ZBED4: variants seen among roughly 807,000 people sequenced by gnomAD.
ZBED4 encodes the protein zinc finger BED domain-containing protein 4.
Under a neutral mutation model 15.5 loss-of-function variants are expected in ZBED4, and 4 were observed. The observed-to-expected ratio is 0.26, with a 90% CI of 0.13 to 0.59. The LOEUF (loss-of-function observed/expected upper bound fraction) is 0.59, where lower values mean the gene tolerates loss of function less well. Ranked by LOEUF, ZBED4 falls within the 20% of genes least tolerant of loss-of-function variation. The probability of loss-of-function intolerance (pLI) is 0.90; values close to 1 mark genes in which losing one functional copy is unlikely to be tolerated. For synonymous variants in ZBED4, 692 were observed against 608.5 expected (o/e 1.14, Z -2.02); for missense variants, 1,323 against 1,461.8 (o/e 0.91, Z 1.55).
In ZBED4 at chr22:49,887,348, C is replaced by G. The variant is rs1236627624; in HGVS notation, c.*170C>G. 5.0e-6 allele frequency: 3 copies of G among 595,102 alleles called. No individual in the cohort carries two copies. Among genetic ancestry groups the G allele is most frequent in the East Asian group, 2.9e-5 (1 of 34,918 alleles). The allele number at this position is 595,102 out of a possible 1,614,324, so 36.9% of individuals were successfully genotyped here. On this transcript the variant is annotated 3_prime_UTR_variant, in exon 2 of 2. Transcript: ENST00000216268. ...TCCACGTGCCTTACCCCTTCTCCTT[C>G]AGGCCAAGTTTCGCGGGGTGTTTTA...
At chr22:49,878,177 C>A (rs1276967207) in intron 1 of ZBED4, among the ~76,000 whole-genome samples, 1 of 151,888 alleles carries the variant, frequency 6.6e-6, no homozygotes, top group East Asian at 1.9e-4. Context: ...TGGTGACAGG[C>A]ACCTGTAATT....
At chr22:49,872,959 G>A (rs987065022) in intron 1 of ZBED4, among the ~76,000 whole-genome samples, 2 of 152,122 alleles carry the variant, frequency 1.3e-5, no homozygotes, top group Non-Finnish European at 2.9e-5. Flanking sequence ...GCCTCCCAAA[G>A]TGCTAGGATT....
chr22:49,884,808 G>C lies in ZBED4; in HGVS notation c.1146G>C (p.Glu382Asp). The C allele has an allele frequency of 6.2e-7, 1 of 1,610,276 alleles. No homozygotes were observed. The highest frequency in any genetic ancestry group is 1.7e-5 in the Admixed American group (1 of 59,888). ...VSSSPVKPVR[E>D]SPSASSSPDR... The stretch of plus-strand genomic sequence containing the variant: ...CGTCTCCAGTAAAGCCGGTCAGAGA[G>C]TCCCCTTCGGCCTCCTCCTCCCCTG... Residue 382 changes from glutamate to aspartate, a missense_variant, in exon 2 of 2, where the codon GAG becomes GAC. Glu to Asp is a conservative substitution (Grantham distance 45). This residue lies in a region of ZBED4 where 429 missense variants were observed against 397.9 expected (regional missense o/e 1.08). Transcript: ENST00000216268.
chr22:49,869,513 C>T (rs2060337097), intron 1 of ZBED4, among the ~76,000 whole-genome samples: 1 of 152,180 alleles, frequency 6.6e-6, no homozygotes, highest in Admixed American at 6.5e-5. Context: ...CCTGTTTATT[C>T]CTCAGGGAAT....
At chr22:49,856,870 A>C (rs980975304) in intron 1 of ZBED4, among the ~76,000 whole-genome samples, 2 of 150,994 alleles carry the variant, frequency 1.3e-5, no homozygotes, top group East Asian at 3.9e-4. Flanking sequence ...GCCGCGCTGC[A>C]ATGCCAGCCA....
intron 1 of ZBED4, among the ~76,000 whole-genome samples, chr22:49,867,610 C>T (rs2060328145): frequency 6.6e-6 from 1 of 152,178 alleles, no homozygotes; most frequent in Non-Finnish European, 1.5e-5. Flanking sequence ...AGAAAGTCAC[C>T]CACCTCAGCA....
intron 1 of ZBED4, among the ~76,000 whole-genome samples, chr22:49,871,003 C>T (rs1270090768): frequency 2.0e-5 from 3 of 148,412 alleles, no homozygotes; most frequent in South Asian, 2.1e-4. Context: ...TGCAGTGGTG[C>T]AATCTTGGCT....
At chr22:49,879,643 G>A (rs1457474939) in intron 1 of ZBED4, among the ~76,000 whole-genome samples, 3 of 121,024 alleles carry the variant, frequency 2.5e-5, no homozygotes, top group Non-Finnish European at 3.6e-5. Context: ...GTCTGGGCGT[G>A]TTTCTATTGG....
At chr22:49,867,563 C>A (rs991170528) in intron 1 of ZBED4, among the ~76,000 whole-genome samples, 18 of 152,170 alleles carry the variant, frequency 1.2e-4, no homozygotes, top group African/African-American at 4.3e-4. Flanking sequence ...CCAGATCGGA[C>A]CTTGGACCCT....
At chr22:49,864,382 T>G (rs1347869143) in intron 1 of ZBED4, among the ~76,000 whole-genome samples, 1 of 152,230 alleles carries the variant, frequency 6.6e-6, no homozygotes, top group Non-Finnish European at 1.5e-5. Flanking sequence ...AGTGAAGATA[T>G]TTTTTGCCTA....
intron 1 of ZBED4, among the ~76,000 whole-genome samples, chr22:49,864,944 C>CG (rs1555922771): frequency 9.3e-5 from 8 of 85,940 alleles, no homozygotes; most frequent in Admixed American, 1.9e-4. Context: ...CAAGCCCCCC[C>CG]CCCCCCCCGT....
chr22:49,884,753 C>G lies in ZBED4; in HGVS notation c.1091C>G (p.Pro364Arg). 6.3e-7 allele frequency: 1 copy of G among 1,594,108 alleles called. No homozygotes were observed. The highest frequency in any genetic ancestry group is 1.1e-5 in the South Asian group (1 of 89,126). The change falls in exon 2 of 2, where the codon CCG (proline) becomes CGG (arginine). Residue 364 changes from proline (P) to arginine (R), a missense_variant. By Grantham distance (103) the Pro-to-Arg change is moderately radical. Coordinates refer to ENST00000216268, the MANE Select transcript of ZBED4 (RefSeq NM_014838.3). ...TPPTLLPSLL[P>R]PEGELSSVSS... ...CCCACTCTGCTGCCTTCCTTGCTGC[C>G]GCCGGAGGGGGAGCTCAGCTCTGTG...
chr22:49,855,544 T>C (rs2060271659), intron 1 of ZBED4, among the ~76,000 whole-genome samples: 1 of 152,180 alleles, frequency 6.6e-6, no homozygotes, highest in East Asian at 1.9e-4. Context: ...CTTCTGTGTG[T>C]GTGCAGAGGA....
intron 1 of ZBED4, among the ~76,000 whole-genome samples, chr22:49,874,154 C>T (rs1300991350): frequency 6.6e-6 from 1 of 152,166 alleles, no homozygotes; most frequent in Non-Finnish European, 1.5e-5. Flanking sequence ...GGGCAGACTC[C>T]CATCCAGTGC....
rs139936208 is a variant in ZBED4 at position 49,884,220 on chromosome 22, A to G, written c.558A>G (p.Ser186=). ...CCGTGTCCTCGTTCCCCTCTCCCTC[A>G]CTCCTGCTTCCACCACAGCCTGCGG... The part of the protein sequence containing the change: ...VSAVSSFPSP[S]LLLPPQPADA... Residue 186 remains serine, a synonymous_variant, in exon 2 of 2, where the codon TCA becomes TCG. Transcript: ENST00000216268. 4.4e-6 allele frequency: 7 copies of G among 1,601,546 alleles called. No homozygotes were observed. The highest frequency in any genetic ancestry group is 6.0e-6 in the Non-Finnish European group (7 of 1,172,686).
intron 1 of ZBED4, among the ~76,000 whole-genome samples, chr22:49,878,189 C>T (rs1273700206): frequency 1.3e-5 from 2 of 151,596 alleles, no homozygotes; most frequent in African/African-American, 2.4e-5. Context: ...CCTGTAATTC[C>T]AGCTACTCAG....
At chr22:49,865,106 G>C (rs1187100431) in intron 1 of ZBED4, among the ~76,000 whole-genome samples, 1 of 152,036 alleles carries the variant, frequency 6.6e-6, no homozygotes, top group South Asian at 2.1e-4. Context: ...TGTTGTCGTT[G>C]TGTGAACCTC....
chr22:49,854,172 C>T (rs1449343709), intron 1 of ZBED4, among the ~76,000 whole-genome samples, 183 bp downstream of exon 1: 1 of 146,184 alleles, frequency 6.8e-6, no homozygotes, highest in Non-Finnish European at 1.5e-5. Context: ...CGGACCCGCC[C>T]CCGCGCGGAC....
At chr22:49,873,860 C>G (rs34774661) in intron 1 of ZBED4, among the ~76,000 whole-genome samples, 97,429 of 151,658 alleles carry the variant, frequency 0.64, 35,460 homozygotes, top group East Asian at 0.85. Flanking sequence ...TAGGTTGGAG[C>G]GAGGAGCGTG....
Sources: gnomAD v4.1 joint callset for allele counts (sites outside exome capture counted in the v4.1 genomes callset) on GRCh38, gnomAD v4.1.1 for gene constraint, gnomAD v4.1.1 regional missense constraint, MANE v1.5 for transcripts, NCBI Gene and HGNC (gene_info 2026-07-23, HGNC 2026-07-21) for gene names.